The following CSMD3 variants were observed in gnomAD, a reference collection of about 807,000 sequenced individuals.
CSMD3 encodes the protein CUB and sushi domain-containing protein 3.
A neutral mutation model predicts 435.2 loss-of-function variants in CSMD3; 177 were observed. The observed-to-expected ratio is 0.41, with a 90% CI of 0.36 to 0.46. The LOEUF is 0.46. Among genes scored for constraint, CSMD3 ranks in the 20% least tolerant of loss-of-function variants. The pLI is 0.34. For synonymous variants in CSMD3, 1,656 were observed against 1,520.5 expected (o/e 1.09, Z -2.07); for missense variants, 4,265 against 4,504.6 (o/e 0.95, Z 1.52).
Position 113,008,231 on chromosome 8 carries a change from T to C in CSMD3, c.1030+10836A>G, listed in dbSNP as rs954976610. Among the ~76,000 whole-genome samples, 13 of 151,808 alleles carry C rather than the reference T, an allele frequency of 8.6e-5. No homozygotes were observed. The Admixed American group carries it at 8.6e-4, about 10-fold the overall frequency. ...ACAATTTTATGTGAATTATGGCTTCTAAAGTTCTGAAATAAGGCAGTCCAG... is the reference window on the plus strand; with the variant it reads ...ACAATTTTATGTGAATTATGGCTTCCAAAGTTCTGAAATAAGGCAGTCCAG... On this transcript the variant is annotated intron_variant, in intron 6 of 70. Transcript: ENST00000297405.
At position 112,831,363 on chromosome 8, in the gene CSMD3, G is replaced by T. The variant is rs546300441; in HGVS notation, c.1756-1574C>A. 1.4e-5 allele frequency among the ~76,000 whole-genome samples: 2 copies of T among 146,368 alleles called. 1 individual carries two copies. The highest frequency in any genetic ancestry group is 4.4e-4 in the South Asian group (2 of 4,576). ...TGGCTACTATAAGCAACATGGTCATGAGCAGTATTAAACATCTTTTGGTAC... is the reference window on the plus strand; with the variant it reads ...TGGCTACTATAAGCAACATGGTCATTAGCAGTATTAAACATCTTTTGGTAC... On this transcript the variant is annotated intron_variant, in intron 11 of 70. Transcript: ENST00000297405.
chr8:112,246,931 A>G lies in CSMD3; in HGVS notation c.10222+89T>C, dbSNP rs1814791267. 7 of 864,808 alleles carry G rather than the reference A, an allele frequency of 8.1e-6. No individual in the cohort carries two copies. In the East Asian group the frequency reaches 1.8e-4, roughly 22 times the overall value. The allele number at this position is 864,808 out of a possible 1,614,324, so 53.6% of individuals were successfully genotyped here. Reference sequence around the variant, plus strand: ...ATCTAAAAGTCAATTTGATACACATATAGATGTAAATGTATTTGAATACTT... The same window carrying G: ...ATCTAAAAGTCAATTTGATACACATGTAGATGTAAATGTATTTGAATACTT... On this transcript the variant is annotated intron_variant, in intron 64 of 70. Coordinates refer to ENST00000297405, the MANE Select transcript of CSMD3 (RefSeq NM_198123.2).
At chr8:112,264,147 A>G (rs1486028631) in intron 60 of CSMD3, among the ~76,000 whole-genome samples, 3 of 152,050 alleles carry the variant, frequency 2.0e-5, no homozygotes. Flanking sequence ...ATATAAAATT[A>G]TTTTCCAATG....
At chr8:112,273,705 G>A in intron 59 of CSMD3, among the ~76,000 whole-genome samples, 1 of 130,526 alleles carries the variant, frequency 7.7e-6, no homozygotes, top group African/African-American at 3.1e-5. Context: ...CAGCCTGGGT[G>A]ACAGAGTGAG....
chr8:112,301,493 G>A (rs536895618), intron 53 of CSMD3, among the ~76,000 whole-genome samples: 1 of 152,160 alleles, frequency 6.6e-6, no homozygotes, highest in East Asian at 1.9e-4. Flanking sequence ...AATAGCTACA[G>A]CGATTAATCC....
chr8:112,640,093 T>A (rs146747042), intron 20 of CSMD3, among the ~76,000 whole-genome samples: 244 of 152,256 alleles, frequency 1.6e-3, no homozygotes, highest in African/African-American at 5.4e-3. Flanking sequence ...CTTTTTAATT[T>A]GTTCCATTCC....
At chr8:112,663,243 C>T (rs944734484) in intron 17 of CSMD3, among the ~76,000 whole-genome samples, 2 of 152,012 alleles carry the variant, frequency 1.3e-5, no homozygotes, top group Admixed American at 6.6e-5. Flanking sequence ...AGCCAAATGT[C>T]CAACAATGAT....
chr8:113,048,036 C>T (rs1564252112), intron 5 of CSMD3, among the ~76,000 whole-genome samples: 1 of 151,372 alleles, frequency 6.6e-6, no homozygotes, highest in Admixed American at 6.6e-5. Flanking sequence ...GAAATAATAG[C>T]CAATGTGGGA....
At chr8:112,431,676 G>A (rs1813725037) in intron 32 of CSMD3, among the ~76,000 whole-genome samples, 1 of 152,104 alleles carries the variant, frequency 6.6e-6, no homozygotes, top group Non-Finnish European at 1.5e-5. Context: ...TCTCTACAAA[G>A]TGAAATTATT....
chr8:112,256,277 T>C (rs550412884), intron 61 of CSMD3, among the ~76,000 whole-genome samples: 1 of 150,152 alleles, frequency 6.7e-6, no homozygotes, highest in African/African-American at 2.4e-5. Flanking sequence ...AAAGGTAGTA[T>C]GTGAAAAAGT....
At chr8:112,373,492 A>G (rs1319393893) in intron 38 of CSMD3, among the ~76,000 whole-genome samples, 1 of 151,790 alleles carries the variant, frequency 6.6e-6, no homozygotes, top group Non-Finnish European at 1.5e-5. Context: ...TGCTTATCTC[A>G]AGTACCTAAA....
chr8:112,301,278 A>G (rs1194910750), intron 53 of CSMD3, among the ~76,000 whole-genome samples: 1 of 152,076 alleles, frequency 6.6e-6, no homozygotes, highest in East Asian at 1.9e-4. Context: ...TAAATACTCT[A>G]AGGGGAAAAC....
chr8:112,885,996 T>C (rs931566446), intron 10 of CSMD3, among the ~76,000 whole-genome samples: 5 of 151,702 alleles, frequency 3.3e-5, no homozygotes, highest in Non-Finnish European at 5.9e-5. Context: ...TTCCTAAATA[T>C]TTTTAGAGAA....
intron 6 of CSMD3, among the ~76,000 whole-genome samples, chr8:112,998,777 C>T (rs1481857222): frequency 2.0e-5 from 3 of 151,810 alleles, no homozygotes; most frequent in Non-Finnish European, 1.5e-5. Flanking sequence ...GCAGATTTCA[C>T]CCTTTGGTGC....
chr8:112,626,791 T>C (rs1336354284), intron 22 of CSMD3, among the ~76,000 whole-genome samples: 8 of 152,182 alleles, frequency 5.3e-5, no homozygotes, highest in African/African-American at 1.9e-4. Context: ...ATGTCACTGT[T>C]GTAAGCAAGA....
chr8:112,310,708 G>T, intron 50 of CSMD3: 2 of 500,534 alleles, frequency 4.0e-6, no homozygotes, highest in South Asian at 2.0e-5. Context: ...AAAGTAACTG[G>T]AATGGAGGAT....
intron 3 of CSMD3, among the ~76,000 whole-genome samples, chr8:113,237,833 T>C (rs1485142572): frequency 6.6e-6 from 1 of 152,058 alleles, no homozygotes; most frequent in Non-Finnish European, 1.5e-5. Context: ...TCCCAGCACT[T>C]TGGGAGGCCG....
At chr8:112,973,508 G>A (rs1471571987) in intron 7 of CSMD3, among the ~76,000 whole-genome samples, 3 of 151,754 alleles carry the variant, frequency 2.0e-5, no homozygotes, top group African/African-American at 7.3e-5. Context: ...ATTTCCTCTA[G>A]AACAGAATCT....
intron 3 of CSMD3, among the ~76,000 whole-genome samples, chr8:113,174,852 CA>C (rs1263131246): frequency 1.3e-5 from 2 of 151,562 alleles, no homozygotes; most frequent in African/African-American, 4.8e-5. Context: ...TGAGTAAAGT[CA>C]GTAGTTAATA....
Sources: allele counts gnomAD v4.1 joint callset (sites outside exome capture counted in the v4.1 genomes callset), GRCh38; gene constraint gnomAD v4.1.1; transcripts MANE v1.5; gene names NCBI Gene and HGNC (gene_info 2026-07-23, HGNC 2026-07-21).